Variants in SPMIP2 observed in about 807,000 individuals in gnomAD.
The protein encoded by SPMIP2 is protein SPMIP2.
At chr4:159,079,701 T>C in the SPMIP2 span, among the ~76,000 whole-genome samples, 3 of 152,220 alleles carry the variant, frequency 2.0e-5, no homozygotes, top group African/African-American at 7.2e-5. Context: ...CTGCTTTAAT[T>C]TGGTGTTCTA....
chr4:159,074,771 G>A, the SPMIP2 span, among the ~76,000 whole-genome samples: 1 of 152,234 alleles, frequency 6.6e-6, no homozygotes, highest in East Asian at 1.9e-4. Flanking sequence ...TAACTATACA[G>A]TCCATTATAT....
the SPMIP2 span, among the ~76,000 whole-genome samples, chr4:158,980,114 C>T: frequency 6.6e-6 from 1 of 152,146 alleles, no homozygotes; most frequent in African/African-American, 2.4e-5. Context: ...CAGCACCCTC[C>T]ACAGCTCAGC....
At chr4:159,004,480 G>A in the SPMIP2 span, among the ~76,000 whole-genome samples, 3 of 151,610 alleles carry the variant, frequency 2.0e-5, no homozygotes, top group East Asian at 1.9e-4. Flanking sequence ...TAGTAGAGAC[G>A]GGGTTTTGCC....
At chr4:159,074,588 G>A in the SPMIP2 span, among the ~76,000 whole-genome samples, 1 of 152,174 alleles carries the variant, frequency 6.6e-6, no homozygotes, top group Non-Finnish European at 1.5e-5. Context: ...ACCTTGTGAA[G>A]TTATCCTTAT....
the SPMIP2 span, among the ~76,000 whole-genome samples, chr4:158,914,394 G>A: frequency 6.6e-6 from 1 of 152,226 alleles, no homozygotes. Flanking sequence ...TCTGGCAACA[G>A]AGGGTGAGTA....
the SPMIP2 span, among the ~76,000 whole-genome samples, chr4:159,023,060 AT>A: frequency 6.6e-6 from 1 of 151,004 alleles, no homozygotes; most frequent in Non-Finnish European, 1.5e-5. Flanking sequence ...ATAAAATAAA[AT>A]AAAATAAAAT....
At chr4:158,932,611 T>C in the SPMIP2 span, among the ~76,000 whole-genome samples, 3 of 152,166 alleles carry the variant, frequency 2.0e-5, no homozygotes, top group Admixed American at 1.3e-4. Context: ...TTTCTTTGGG[T>C]GTCTTAATTT....
the SPMIP2 span, chr4:158,973,253 T>G: frequency 3.1e-6 from 5 of 1,613,912 alleles, no homozygotes; most frequent in South Asian, 1.1e-5. Context: ...GATGCTGTTC[T>G]CCTACATAGG....
chr4:158,994,799 G>T, the SPMIP2 span, among the ~76,000 whole-genome samples: 1 of 152,098 alleles, frequency 6.6e-6, no homozygotes, highest in Non-Finnish European at 1.5e-5. Flanking sequence ...TGTGCACATA[G>T]GGGGAAGAAA....
chr4:159,014,911 C>T, the SPMIP2 span, among the ~76,000 whole-genome samples: 3 of 152,178 alleles, frequency 2.0e-5, no homozygotes, highest in Admixed American at 6.5e-5. Flanking sequence ...GCATGCAGCC[C>T]GTGGGCCACT....
chr4:159,062,130 C>G, the SPMIP2 span, among the ~76,000 whole-genome samples: 1 of 152,146 alleles, frequency 6.6e-6, no homozygotes, highest in Non-Finnish European at 1.5e-5. Flanking sequence ...ACCATGGGAC[C>G]CTACCAGGGG....
At chr4:158,913,766 A>C in the SPMIP2 span, among the ~76,000 whole-genome samples, 1 of 151,810 alleles carries the variant, frequency 6.6e-6, no homozygotes, top group Non-Finnish European at 1.5e-5. Context: ...CCAGGAGTTC[A>C]AGGCTGCGGT....
chr4:158,984,487 A>G, the SPMIP2 span, among the ~76,000 whole-genome samples: 1 of 151,568 alleles, frequency 6.6e-6, no homozygotes, highest in East Asian at 1.9e-4. Flanking sequence ...CTCAGTGAAA[A>G]CCGCTCAACT....
the SPMIP2 span, among the ~76,000 whole-genome samples, chr4:159,078,754 T>C: frequency 2.9e-3 from 441 of 152,336 alleles, 1 homozygote; most frequent in African/African-American, 1.0e-2. Context: ...GAGGTGGTCC[T>C]ACACAACTTG....
At chr4:158,972,187 C>A in the SPMIP2 span, among the ~76,000 whole-genome samples, 1 of 152,152 alleles carries the variant, frequency 6.6e-6, no homozygotes, top group African/African-American at 2.4e-5. Flanking sequence ...CATGGCGAAA[C>A]CCCATCTCTA....
chr4:159,059,569 T>C, the SPMIP2 span, among the ~76,000 whole-genome samples: 1 of 152,074 alleles, frequency 6.6e-6, no homozygotes, highest in Non-Finnish European at 1.5e-5. Flanking sequence ...GACAGGGTCT[T>C]GCTATGTTGC....
At chr4:159,034,354 CAA>C in the SPMIP2 span, among the ~76,000 whole-genome samples, 3 of 152,126 alleles carry the variant, frequency 2.0e-5, no homozygotes, top group Non-Finnish European at 4.4e-5. Flanking sequence ...GCAAATATGT[CAA>C]GTTTATAATG....
the SPMIP2 span, among the ~76,000 whole-genome samples, chr4:158,987,645 G>T: frequency 1.3e-5 from 2 of 152,012 alleles, no homozygotes; most frequent in African/African-American, 4.8e-5. Flanking sequence ...AGGGGGAGTG[G>T]GGAGGGATAG....
chr4:158,906,007 A>C, the SPMIP2 span: 763 of 152,330 alleles, frequency 5.0e-3, 7 homozygotes, highest in African/African-American at 0.017. Flanking sequence ...TTTTCATTTG[A>C]TAAAAATCAG....
Sources: gnomAD v4.1 joint callset for allele counts (sites outside exome capture counted in the v4.1 genomes callset) on GRCh38, gnomAD v4.1.1 for gene constraint, MANE v1.5 for transcripts, NCBI Gene and HGNC (gene_info 2026-07-23, HGNC 2026-07-21) for gene names.